The following PAK1IP1 variants were observed in gnomAD, a reference collection of about 807,000 sequenced individuals.
PAK1IP1 encodes p21-activated protein kinase-interacting protein 1.
In PAK1IP1, 24 loss-of-function variants were observed where a neutral mutation model predicts 42.0. That is an observed-to-expected ratio of 0.57 (90% CI 0.41 to 0.80). The LOEUF (loss-of-function observed/expected upper bound fraction) is 0.80. Among genes scored for constraint, PAK1IP1 ranks in the 30% least tolerant of loss-of-function variants. PAK1IP1 has a pLI of 0.00. For missense variants in PAK1IP1, 411 were observed against 467.9 expected, an observed-to-expected ratio of 0.88 and a Z score of 1.12; for synonymous variants, 154 against 156.7, an observed-to-expected ratio of 0.98 and a Z score of 0.13.
intron 7 of PAK1IP1, among the ~76,000 whole-genome samples, chr6:10,705,166 TAAAA>T (rs1561894135): frequency 6.6e-6 from 1 of 151,784 alleles, no homozygotes; most frequent in East Asian, 1.9e-4. Flanking sequence ...CTACTAAAAA[TAAAA>T]AAATTGGTGT....
At chr6:10,705,249 C>T (rs1200233873) in intron 7 of PAK1IP1, among the ~76,000 whole-genome samples, 2 of 151,980 alleles carry the variant, frequency 1.3e-5, no homozygotes, top group Non-Finnish European at 2.9e-5. Context: ...ACCCTGGAGG[C>T]GGAGGTTGCA....
chr6:10,694,260 CAAA>C (rs57435593), upstream of PAK1IP1, among the ~76,000 whole-genome samples: 3 of 62,476 alleles, frequency 4.8e-5, no homozygotes, highest in African/African-American at 5.5e-5. Flanking sequence ...AACTCCGTCT[CAAA>C]AAAAAAAAAA....
upstream of PAK1IP1, among the ~76,000 whole-genome samples, chr6:10,694,040 A>C (rs1326864191): frequency 2.0e-5 from 3 of 152,224 alleles, no homozygotes; most frequent in East Asian, 5.8e-4. Context: ...CAAGCGGATC[A>C]CCTGCGGTCG....
rs1340931492 is a variant in PAK1IP1, at chr6:10,709,439, A to G, written c.1166A>G (p.Lys389Arg). ...AAGAAGAGGAAAAAGAAGAAAATAA[A>G]AACAATGCAGTGAATCACAGATGTC... ...LEKKRKKKKI[K>R]TMQ Residue 389 changes from lysine to arginine, a missense_variant, in exon 10 of 10, where the codon AAA becomes AGA. Lys to Arg is a conservative substitution (Grantham distance 26). Coordinates refer to ENST00000379568, the MANE Select transcript of PAK1IP1 (RefSeq NM_017906.3). 1 of 1,607,864 alleles carries G rather than the reference A, an allele frequency of 6.2e-7. No individual in the cohort carries two copies. The highest frequency in any genetic ancestry group is 1.1e-5 in the South Asian group (1 of 90,234).
intron 8 of PAK1IP1, among the ~76,000 whole-genome samples, chr6:10,708,369 A>G (rs540893125): frequency 5.3e-5 from 8 of 152,170 alleles, no homozygotes; most frequent in Non-Finnish European, 1.0e-4. Context: ...TTAGTACTTC[A>G]CTACTTTTTA....
upstream of PAK1IP1, among the ~76,000 whole-genome samples, chr6:10,693,067 T>C (rs1158143414): frequency 6.6e-6 from 1 of 152,224 alleles, no homozygotes; most frequent in African/African-American, 2.4e-5. Flanking sequence ...TGCTTTGTGC[T>C]AATAACTCTG....
At chr6:10,708,041 C>CTT (rs34074813) in intron 8 of PAK1IP1, among the ~76,000 whole-genome samples, 23 of 92,292 alleles carry the variant, frequency 2.5e-4, no homozygotes, top group African/African-American at 3.8e-4. Flanking sequence ...TTAGAATTTT[C>CTT]TTTTTTTTTT....
chr6:10,704,453 T>C lies in PAK1IP1; in HGVS notation c.497-54T>C, dbSNP rs1316329193. On this transcript the variant is annotated intron_variant, in intron 5 of 9. Coordinates refer to ENST00000379568, the MANE Select transcript of PAK1IP1 (RefSeq NM_017906.3). ...ATATTTGCTATTTTTATTACTATGA[T>C]CATTTTATGTTTTATTTACAAAATA... The C allele has an allele frequency of 2.9e-6, 3 of 1,018,936 alleles. No individual in the cohort carries two copies. The African/African-American group carries it at 4.9e-5, about 17-fold the overall frequency. 63.1% of individuals were successfully genotyped at this position (1,018,936 alleles called of 1,614,324 possible). A position where few individuals can be genotyped will look rare whatever the true frequency, so the allele number is the denominator to read the frequency against.
chr6:10,705,530 T>A (rs1025217942), intron 7 of PAK1IP1, among the ~76,000 whole-genome samples: 2 of 151,686 alleles, frequency 1.3e-5, no homozygotes, highest in African/African-American at 4.9e-5. Context: ...CCATGTGATT[T>A]TTTTTCCTGC....
chr6:10,696,233 A>G (rs537183246), intron 1 of PAK1IP1, among the ~76,000 whole-genome samples: 1 of 152,320 alleles, frequency 6.6e-6, no homozygotes, highest in South Asian at 2.1e-4. Context: ...TAGCCTAGAT[A>G]ACCTACATTA....
At chr6:10,696,277 G>T (rs188409440) in intron 1 of PAK1IP1, among the ~76,000 whole-genome samples, 23 of 152,310 alleles carry the variant, frequency 1.5e-4, no homozygotes, top group African/African-American at 4.6e-4. Context: ...TTGATTTAAG[G>T]CCATAGCAGA....
rs564642460 is a variant in PAK1IP1 at position 10,704,485 on chromosome 6, C to T, written c.497-22C>T. 102 of 1,454,448 alleles carry T rather than the reference C, an allele frequency of 7.0e-5. 1 individual carries two copies. In the Admixed American group the frequency reaches 2.0e-3, roughly 28 times the overall value. 90.1% of individuals were successfully genotyped at this position (1,454,448 alleles called of 1,614,324 possible). On this transcript the variant is annotated intron_variant, in intron 5 of 9. Transcript: ENST00000379568. Reference sequence around the variant, plus strand: ...ATGTTTTATTTACAAAATAAATAAACTTCGTTTTTTTCCACTTACAGATGC... The same window carrying T: ...ATGTTTTATTTACAAAATAAATAAATTTCGTTTTTTTCCACTTACAGATGC...
intron 2 of PAK1IP1, among the ~76,000 whole-genome samples, chr6:10,697,848 G>T (rs930521624): frequency 6.7e-6 from 1 of 149,968 alleles, no homozygotes; most frequent in South Asian, 2.1e-4. Context: ...CTGAGATCAC[G>T]CCACTGCATG....
chr6:10,704,578 T>A lies in PAK1IP1; in HGVS notation c.568T>A (p.Tyr190Asn), dbSNP rs764449402. Residue 190 changes from tyrosine to asparagine, a missense_variant, in exon 6 of 10, where the codon TAT becomes AAT. Transcript: ENST00000379568. The part of the protein sequence containing the change: ...VVIIQNKIDI[Y>N]QLDTASISGT... ...TATCATACAGAATAAAATAGACATC[T>A]ATCAGCTTGACACTGCATCCATTAG... is the stretch of plus-strand genomic sequence containing the variant. The A allele has an allele frequency of 1.6e-5, 26 of 1,601,632 alleles. No individual in the cohort carries two copies. The Admixed American group carries it at 4.4e-4, about 27-fold the overall frequency.
rs1769747350 is a variant in PAK1IP1, at chr6:10,694,982, C to A, written c.-4C>A. ...GCTGGCGGAAGAGGCACGTGCGCTG[C>A]TGAATGGAGCTGGTCGCTGGTTGCT... On this transcript the variant is annotated 5_prime_UTR_variant, in exon 1 of 10. It adds an upstream start codon to the 5' untranslated region. Transcript: ENST00000379568. The A allele has an allele frequency of 6.3e-7, 1 of 1,592,498 alleles. No individual in the cohort carries two copies. Among genetic ancestry groups the A allele is most frequent in the Non-Finnish European group, 8.5e-7 (1 of 1,175,822 alleles).
intron 7 of PAK1IP1, among the ~76,000 whole-genome samples, chr6:10,705,091 G>A (rs1416114450): frequency 6.6e-6 from 1 of 152,164 alleles, no homozygotes; most frequent in Non-Finnish European, 1.5e-5. Context: ...TTGGGAGGCT[G>A]AGGCGGGCGG....
chr6:10,695,104 G>C (rs201065929), intron 1 of PAK1IP1, 35 bp downstream of exon 1: 3 of 1,445,432 alleles, frequency 2.1e-6, no homozygotes, highest in Non-Finnish European at 1.9e-6. Flanking sequence ...AGTCGGAGGC[G>C]GGGCCGGGAA....
Position 10,704,587 on chromosome 6 carries a change from G to A in PAK1IP1, c.577G>A (p.Asp193Asn). The change falls in exon 6 of 10, where the codon GAC (aspartate) becomes AAC (asparagine). Residue 193 changes from aspartate (D) to asparagine (N), a missense_variant. Physicochemically the swap from Asp to Asn is conservative, Grantham distance 23. Transcript: ENST00000379568. ...GAATAAAATAGACATCTATCAGCTT[G>A]ACACTGCATCCATTAGTGGCACCAT... ...IQNKIDIYQL[D>N]TASISGTITN... is the part of the protein sequence containing the mutation. 6.2e-7 allele frequency: 1 copy of A among 1,605,730 alleles called. No individual in the cohort carries two copies. The highest frequency in any genetic ancestry group is 8.5e-7 in the Non-Finnish European group (1 of 1,173,452).
upstream of PAK1IP1, among the ~76,000 whole-genome samples, chr6:10,692,906 G>C (rs961670823): frequency 1.6e-4 from 25 of 152,202 alleles, no homozygotes; most frequent in Non-Finnish European, 1.5e-5. Context: ...TCAGTGTCTT[G>C]AGAAGTGTTT....
Sources: gnomAD v4.1 joint callset for allele counts (sites outside exome capture counted in the v4.1 genomes callset) on GRCh38, gnomAD v4.1.1 for gene constraint, MANE v1.5 for transcripts, NCBI Gene and HGNC (gene_info 2026-07-23, HGNC 2026-07-21) for gene names.